OR1J2: variants seen among roughly 807,000 people sequenced by gnomAD.
OR1J2 encodes olfactory receptor family 1 subfamily J member 2.
For missense variants in OR1J2, 304 were observed against 246.1 expected, an observed-to-expected ratio of 1.24 and a Z score of -1.57; for synonymous variants, 142 against 99.7, an observed-to-expected ratio of 1.42 and a Z score of -2.52.
the OR1J2 span, among the ~76,000 whole-genome samples, chr9:122,449,759 A>G: frequency 6.6e-6 from 1 of 152,198 alleles, no homozygotes; most frequent in African/African-American, 2.4e-5. Context: ...TAGTTAACAA[A>G]TCAACAAAGA....
At chr9:122,469,355 G>A in the OR1J2 span, among the ~76,000 whole-genome samples, 3 of 152,258 alleles carry the variant, frequency 2.0e-5, no homozygotes, top group East Asian at 1.9e-4. Context: ...GAGATCTGTC[G>A]TTTTATCAGG....
the OR1J2 span, among the ~76,000 whole-genome samples, chr9:122,517,567 A>G: frequency 6.6e-6 from 1 of 151,764 alleles, no homozygotes; most frequent in Non-Finnish European, 1.5e-5. Context: ...TTTTCTATTT[A>G]CTTAGTATAC....
At chr9:122,522,823 G>A in the OR1J2 span, among the ~76,000 whole-genome samples, 7 of 152,342 alleles carry the variant, frequency 4.6e-5, no homozygotes, top group African/African-American at 1.7e-4. Context: ...TTCTGATAGT[G>A]TAGCAACAGG....
chr9:122,506,967 C>A (rs906284518), upstream of OR1J2, among the ~76,000 whole-genome samples: 1 of 152,144 alleles, frequency 6.6e-6, no homozygotes, highest in African/African-American at 2.4e-5. Flanking sequence ...TTTGGGAAGG[C>A]CTCCTACACT....
At chr9:122,541,399 A>C in the OR1J2 span, among the ~76,000 whole-genome samples, 3 of 152,210 alleles carry the variant, frequency 2.0e-5, no homozygotes, top group African/African-American at 7.2e-5. Flanking sequence ...AAGAGATGAT[A>C]GCTATTTCAG....
the OR1J2 span, among the ~76,000 whole-genome samples, chr9:122,547,347 A>G: frequency 6.6e-6 from 1 of 152,148 alleles, no homozygotes. Flanking sequence ...TTTAAAAACA[A>G]TTTGATTGTT....
chr9:122,481,876 G>C, the OR1J2 span, among the ~76,000 whole-genome samples: 1 of 152,050 alleles, frequency 6.6e-6, no homozygotes, highest in African/African-American at 2.4e-5. Flanking sequence ...GAGGATTAAG[G>C]ACTTAAATAT....
the OR1J2 span, among the ~76,000 whole-genome samples, chr9:122,492,990 T>G: frequency 6.6e-6 from 1 of 152,152 alleles, no homozygotes; most frequent in African/African-American, 2.4e-5. Context: ...TTTTAAATTC[T>G]AAGTGGTGTA....
At chr9:122,463,746 G>A in the OR1J2 span, among the ~76,000 whole-genome samples, 2 of 152,122 alleles carry the variant, frequency 1.3e-5, no homozygotes, top group Admixed American at 6.5e-5. Flanking sequence ...GCTGGTATAG[G>A]GGAGTGTCTG....
chr9:122,547,903 T>A, the OR1J2 span, among the ~76,000 whole-genome samples: 1 of 152,162 alleles, frequency 6.6e-6, no homozygotes, highest in Non-Finnish European at 1.5e-5. Context: ...TTTACATTCC[T>A]ACCAACATTG....
chr9:122,573,730 A>C, the OR1J2 span, among the ~76,000 whole-genome samples: 160 of 152,340 alleles, frequency 1.1e-3, no homozygotes, highest in Non-Finnish European at 1.9e-3. Context: ...TTTGCAGAAC[A>C]GAAAAGTTTA....
chr9:122,510,344 AG>A (rs1452845547), upstream of OR1J2, among the ~76,000 whole-genome samples: 1 of 152,158 alleles, frequency 6.6e-6, no homozygotes, highest in Non-Finnish European at 1.5e-5. Flanking sequence ...TCAGTCCCAC[AG>A]GTGCAAGATT....
chr9:122,519,384 T>C, the OR1J2 span: 1 of 1,614,170 alleles, frequency 6.2e-7, no homozygotes, highest in African/African-American at 1.3e-5. Context: ...CCCAAAGATG[T>C]TATTAAGCAT....
chr9:122,536,290 C>A, the OR1J2 span, among the ~76,000 whole-genome samples: 1 of 152,202 alleles, frequency 6.6e-6, no homozygotes, highest in Non-Finnish European at 1.5e-5. Flanking sequence ...AACTCACAAG[C>A]TGCCAATATC....
chr9:122,454,000 A>G, the OR1J2 span, among the ~76,000 whole-genome samples: 104 of 152,234 alleles, frequency 6.8e-4, no homozygotes, highest in Middle Eastern at 3.2e-3. Context: ...TAAAACAGTA[A>G]TCCCAACCTA....
the OR1J2 span, among the ~76,000 whole-genome samples, chr9:122,451,844 G>A: frequency 5.3e-5 from 8 of 152,200 alleles, no homozygotes; most frequent in Non-Finnish European, 1.0e-4. Flanking sequence ...GTTCCCTCTG[G>A]TCTGGGGGCA....
At chr9:122,529,933 C>A in the OR1J2 span, among the ~76,000 whole-genome samples, 5 of 152,192 alleles carry the variant, frequency 3.3e-5, no homozygotes, top group Non-Finnish European at 7.3e-5. Flanking sequence ...AGTAGATGTT[C>A]TTAATTTGAG....
the OR1J2 span, among the ~76,000 whole-genome samples, chr9:122,489,268 A>C: frequency 1.3e-5 from 2 of 149,938 alleles, no homozygotes; most frequent in African/African-American, 4.9e-5. Flanking sequence ...CCATTCCTTT[A>C]TTCCATATAT....
the OR1J2 span, among the ~76,000 whole-genome samples, chr9:122,457,886 T>C: frequency 6.6e-6 from 1 of 152,210 alleles, no homozygotes; most frequent in Non-Finnish European, 1.5e-5. Context: ...CAAAATACTC[T>C]ATCTCTATTA....
Sources: gnomAD v4.1 joint callset for allele counts (sites outside exome capture counted in the v4.1 genomes callset) on GRCh38, gnomAD v4.1.1 for gene constraint, MANE v1.5 for transcripts, NCBI Gene and HGNC (gene_info 2026-07-23, HGNC 2026-07-21) for gene names.